Variants in PUDP observed in about 807,000 individuals in gnomAD.
PUDP encodes the protein pseudouridine-5'-phosphatase.
Under a neutral mutation model 9.4 loss-of-function variants are expected in PUDP, and 8 were observed. The ratio of observed to expected loss-of-function variants is 0.85; its 90% confidence interval spans 0.50 to 1.53. The LOEUF (loss-of-function observed/expected upper bound fraction) is 1.53. Among genes scored for constraint, PUDP ranks in the 40% most tolerant of loss-of-function variants. The pLI is 0.00. For missense variants in PUDP, 188 were observed against 189.7 expected (o/e 0.99, Z 0.05); for synonymous variants, 99 against 80.7 (o/e 1.23, Z -1.22).
chrX:6,994,468 A>C (rs1929225323), intron 1 of PUDP, among the ~76,000 whole-genome samples: 1 of 112,218 alleles, frequency 8.9e-6, no homozygotes, highest in South Asian at 3.7e-4. Context: ...ACTAAAGCAC[A>C]ATCTATGAAG....
intron 1 of PUDP, among the ~76,000 whole-genome samples, chrX:7,028,598 G>A (rs982662751): frequency 9.9e-5 from 11 of 111,452 alleles, no homozygotes; most frequent in African/African-American, 3.6e-4. Context: ...TGACTGGAAC[G>A]AGGCAGCAAC....
upstream of PUDP, among the ~76,000 whole-genome samples, chrX:6,723,936 C>T (rs1166116895): frequency 9.0e-6 from 1 of 111,338 alleles, no homozygotes; most frequent in Non-Finnish European, 1.9e-5. Flanking sequence ...CCCCATATTA[C>T]TCAAAAAGAT....
At chrX:6,727,250 G>A (rs1924749905) in intron 3 of PUDP, among the ~76,000 whole-genome samples, 1 of 111,059 alleles carries the variant, frequency 9.0e-6, no homozygotes, top group African/African-American at 3.3e-5. Context: ...AAGAGAGATT[G>A]CTAAAGTAGA....
chrX:6,798,350 C>T (rs928524583), intron 3 of PUDP, among the ~76,000 whole-genome samples: 4 of 111,715 alleles, frequency 3.6e-5, no homozygotes, highest in East Asian at 2.8e-4. Flanking sequence ...TCCACCTGGC[C>T]GCACCCTTGA....
At chrX:6,893,382 C>T (rs1927543430) in intron 3 of PUDP, among the ~76,000 whole-genome samples, 1 of 111,622 alleles carries the variant, frequency 9.0e-6, no homozygotes, top group South Asian at 3.8e-4. Context: ...TGCTCTTCCA[C>T]GTCACTGTCA....
chrX:6,830,443 C>T (rs886742049), intron 3 of PUDP, among the ~76,000 whole-genome samples: 3 of 112,083 alleles, frequency 2.7e-5, no homozygotes, highest in African/African-American at 9.7e-5. Context: ...ATACAGAATC[C>T]TGAATTTGAA....
At chrX:6,776,257 C>T (rs1023062563) in intron 3 of PUDP, among the ~76,000 whole-genome samples, 1 of 110,517 alleles carries the variant, frequency 9.0e-6, no homozygotes, top group Admixed American at 9.7e-5. Context: ...CTAGGTCCAG[C>T]ATGGTGGCTC....
At chrX:6,909,041 C>A (rs943339579) in intron 3 of PUDP, among the ~76,000 whole-genome samples, 2 of 111,420 alleles carry the variant, frequency 1.8e-5, no homozygotes, top group Admixed American at 1.9e-4. Flanking sequence ...ATCTCTGATC[C>A]AAAGATACCT....
intron 3 of PUDP, among the ~76,000 whole-genome samples, chrX:6,805,604 C>T (rs752060525): frequency 2.5e-4 from 28 of 110,674 alleles, no homozygotes; most frequent in Non-Finnish European, 5.1e-4. Context: ...ACTGCAGCCT[C>T]GACCTTCCAG....
chrX:6,808,713 T>C (rs1308529635), intron 3 of PUDP, among the ~76,000 whole-genome samples: 1 of 112,212 alleles, frequency 8.9e-6, no homozygotes, highest in Admixed American at 9.5e-5. Context: ...TGAAGTTATC[T>C]GCACACAGTG....
intron 1 of PUDP, among the ~76,000 whole-genome samples, chrX:7,143,402 G>C (rs1253913015): frequency 8.9e-6 from 1 of 111,988 alleles, no homozygotes; most frequent in East Asian, 2.8e-4. Context: ...TTATTTGAAA[G>C]AGAGAGCTAG....
At chrX:7,112,561 G>C (rs1251967454) in intron 1 of PUDP, among the ~76,000 whole-genome samples, 3 of 112,364 alleles carry the variant, frequency 2.7e-5, no homozygotes, top group Non-Finnish European at 5.6e-5. Context: ...AGATAGGCTA[G>C]TTCCTTAAAG....
At chrX:6,957,083 T>C (rs1928639205) in intron 3 of PUDP, among the ~76,000 whole-genome samples, 1 of 112,512 alleles carries the variant, frequency 8.9e-6, no homozygotes, top group Non-Finnish European at 1.9e-5. Flanking sequence ...AATTCTCATC[T>C]ATCCTTTTAC....
intron 2 of PUDP, among the ~76,000 whole-genome samples, chrX:7,085,853 G>A (rs768198728): frequency 8.1e-5 from 9 of 111,366 alleles, no homozygotes; most frequent in Non-Finnish European, 1.5e-4. Context: ...ATAAAGACTT[G>A]AACAAGTTCA....
At chrX:7,002,788 T>C (rs1444421139) in intron 1 of PUDP, among the ~76,000 whole-genome samples, 2 of 107,380 alleles carry the variant, frequency 1.9e-5, no homozygotes, top group Non-Finnish European at 3.9e-5. Context: ...GAAGCCGGAG[T>C]GGAATTCCTT....
downstream of PUDP, among the ~76,000 whole-genome samples, chrX:7,047,804 CATT>C (rs2146834104): frequency 8.9e-6 from 1 of 112,613 alleles, no homozygotes; most frequent in African/African-American, 3.2e-5. Flanking sequence ...TCTGCAGAGG[CATT>C]ATTACAGATA....
At chrX:6,925,047 G>A (rs780223820) in intron 3 of PUDP, among the ~76,000 whole-genome samples, 1 of 112,225 alleles carries the variant, frequency 8.9e-6, no homozygotes, top group African/African-American at 3.2e-5. Context: ...GGGCATGGTG[G>A]CTCACGCCTG....
intron 3 of PUDP, among the ~76,000 whole-genome samples, chrX:6,856,604 C>G (rs1256111155): frequency 8.9e-6 from 1 of 112,102 alleles, no homozygotes; most frequent in Non-Finnish European, 1.9e-5. Flanking sequence ...ATAAAATTTT[C>G]CTTTTTCAAA....
chrX:7,143,329 A>G (rs1457665544), intron 1 of PUDP, among the ~76,000 whole-genome samples: 1 of 111,792 alleles, frequency 8.9e-6, no homozygotes, highest in African/African-American at 3.3e-5. Context: ...CTGAACCCAC[A>G]ATAGTTCTCA....
Sources: gnomAD v4.1 joint callset for allele counts (sites outside exome capture counted in the v4.1 genomes callset) on GRCh38, gnomAD v4.1.1 for gene constraint, MANE v1.5 for transcripts, NCBI Gene and HGNC (gene_info 2026-07-23, HGNC 2026-07-21) for gene names.